LRP1B: variants seen among roughly 807,000 people sequenced by gnomAD.
LRP1B encodes low-density lipoprotein receptor-related protein 1B.
A neutral mutation model predicts 556.6 loss-of-function variants in LRP1B; 217 were observed. The observed-to-expected ratio is 0.39, with a 90% confidence interval of 0.35 to 0.44. The LOEUF is 0.44. Ranked by LOEUF, LRP1B falls within the 20% of genes least tolerant of loss-of-function variation. The pLI is 1.00. For missense variants in LRP1B, 5,053 were observed against 5,620.8 expected, an observed-to-expected ratio of 0.90 and a Z score of 3.23; for synonymous variants, 2,047 against 1,865.8, an observed-to-expected ratio of 1.10 and a Z score of -2.50.
At position 141,464,606 on chromosome 2, in the gene LRP1B, A is replaced by ATATTTTTTT; in HGVS notation, c.343+15789_343+15790insAAAAAAATA. 3.5e-3 allele frequency among the ~76,000 whole-genome samples: 321 copies of ATATTTTTTT among 90,520 alleles called. 14 individuals are homozygous for ATATTTTTTT. Among genetic ancestry groups the ATATTTTTTT allele is most frequent in the African/African-American group, 0.013 (298 of 23,356 alleles). 59.4% of individuals were successfully genotyped at this position (90,520 alleles called of 152,430 possible). A position where few individuals can be genotyped will look rare whatever the true frequency, so the allele number is the denominator to read the frequency against. On this transcript the variant is annotated intron_variant, in intron 3 of 90. Coordinates refer to ENST00000389484, the MANE Select transcript of LRP1B (RefSeq NM_018557.3). ...TTTGTATATATATATATATATATATATTTTTTTAGTAGAGATGGGGTTTCA... is the reference window on the plus strand; with the variant it reads ...TTTGTATATATATATATATATATATATATTTTTTTTTTTTTTAGTAGAGATGGGGTTTCA...
intron 1 of LRP1B, among the ~76,000 whole-genome samples, chr2:141,883,931 A>T (rs1291108547): frequency 1.3e-5 from 2 of 152,230 alleles, no homozygotes; most frequent in African/African-American, 2.4e-5. Flanking sequence ...TCTTATGTAT[A>T]TGAACATGTA....
At chr2:141,297,317 C>T (rs571391126) in intron 3 of LRP1B, among the ~76,000 whole-genome samples, 24 of 152,178 alleles carry the variant, frequency 1.6e-4, no homozygotes, top group Admixed American at 3.9e-4. Flanking sequence ...TAGATGCTGG[C>T]GAGACTGCAG....
At chr2:140,695,068 T>C (rs1168171196) in intron 41 of LRP1B, among the ~76,000 whole-genome samples, 3 of 151,392 alleles carry the variant, frequency 2.0e-5, no homozygotes, top group Non-Finnish European at 2.9e-5. Flanking sequence ...TTTTCATTCA[T>C]CTTCTGCTTG....
chr2:140,709,271 G>A (rs17572252), intron 37 of LRP1B, among the ~76,000 whole-genome samples: 1 of 152,034 alleles, frequency 6.6e-6, no homozygotes, highest in Non-Finnish European at 1.5e-5. Flanking sequence ...ACCATGGGAA[G>A]TTAATCAAAA....
chr2:140,993,611 C>T (rs928022424), intron 16 of LRP1B, among the ~76,000 whole-genome samples: 2 of 151,974 alleles, frequency 1.3e-5, no homozygotes, highest in Middle Eastern at 3.2e-3. Context: ...TGGAGTGGAT[C>T]GTGACCTTCT....
intron 59 of LRP1B, among the ~76,000 whole-genome samples, chr2:140,484,980 A>C (rs1436754939): frequency 6.6e-6 from 1 of 152,100 alleles, no homozygotes; most frequent in Non-Finnish European, 1.5e-5. Context: ...ATTTGTGACT[A>C]CCCCAACCAC....
intron 7 of LRP1B, among the ~76,000 whole-genome samples, chr2:141,146,429 A>G (rs976486944): frequency 6.6e-6 from 1 of 152,230 alleles, no homozygotes; most frequent in Non-Finnish European, 1.5e-5. Flanking sequence ...TTTTTAATAC[A>G]AACCTATATT....
chr2:140,391,023 G>A (rs1683995232), intron 66 of LRP1B, among the ~76,000 whole-genome samples: 1 of 151,790 alleles, frequency 6.6e-6, no homozygotes, highest in African/African-American at 2.4e-5. Flanking sequence ...TTTCTTGTAG[G>A]TATTCACCCA....
chr2:141,421,040 G>T (rs189787133), intron 3 of LRP1B, among the ~76,000 whole-genome samples: 1 of 152,216 alleles, frequency 6.6e-6, no homozygotes, highest in Admixed American at 6.5e-5. Flanking sequence ...GCTGTTCTTG[G>T]CTTTGTGCTC....
intron 2 of LRP1B, among the ~76,000 whole-genome samples, chr2:141,593,002 T>C (rs1450883866): frequency 1.3e-5 from 2 of 152,206 alleles, no homozygotes; most frequent in East Asian, 1.9e-4. Flanking sequence ...AAATGTACAA[T>C]GTCAATTCAG....
intron 61 of LRP1B, 39 bp downstream of exon 61, chr2:140,457,424 T>C (rs774278952): frequency 9.8e-6 from 14 of 1,431,648 alleles, no homozygotes; most frequent in Non-Finnish European, 1.4e-5. Flanking sequence ...TACTGAAAGA[T>C]GTTAATGCAT....
chr2:141,881,215 C>T (rs886947047), intron 1 of LRP1B, among the ~76,000 whole-genome samples: 5 of 151,952 alleles, frequency 3.3e-5, no homozygotes, highest in Admixed American at 6.6e-5. Flanking sequence ...GCTGAAATTG[C>T]GTGAGAGAAG....
intron 35 of LRP1B, among the ~76,000 whole-genome samples, chr2:140,753,949 A>G: frequency 6.6e-6 from 1 of 152,132 alleles, no homozygotes; most frequent in East Asian, 1.9e-4. Context: ...GAAGGCCAAG[A>G]ACCCAAGGGC....
chr2:140,267,533 G>A (rs1214517026), intron 86 of LRP1B, among the ~76,000 whole-genome samples: 4 of 151,916 alleles, frequency 2.6e-5, no homozygotes, highest in African/African-American at 4.8e-5. Context: ...GTATTGTTTA[G>A]AGAATAACGA....
chr2:140,403,221 A>G (rs915030997), intron 66 of LRP1B, among the ~76,000 whole-genome samples: 6 of 152,194 alleles, frequency 3.9e-5, no homozygotes, highest in African/African-American at 1.4e-4. Context: ...ATAACATGAT[A>G]AAACAAGGTT....
At chr2:142,127,698 T>C (rs1164384260) in intron 1 of LRP1B, among the ~76,000 whole-genome samples, 1 of 151,974 alleles carries the variant, frequency 6.6e-6, no homozygotes, top group East Asian at 1.9e-4. Flanking sequence ...ATTAAAATTT[T>C]GATATACATT....
rs79107796 is a variant in LRP1B at position 140,724,648 on chromosome 2, T to C, written c.5759-7832A>G. Among the ~76,000 whole-genome samples the C allele has an allele frequency of 1.1e-4, 16 of 152,310 alleles. No homozygotes were observed. In the East Asian group the frequency reaches 1.3e-3, roughly 13 times the overall value. Reference sequence around the variant, plus strand: ...ATTACACTATTTTCAGTTAATGTAGTCTTTATTCCCTTGTAGAGAAAGATG... The same window carrying C: ...ATTACACTATTTTCAGTTAATGTAGCCTTTATTCCCTTGTAGAGAAAGATG... On this transcript the variant is annotated intron_variant, in intron 35 of 90. Transcript: ENST00000389484.
intron 3 of LRP1B, among the ~76,000 whole-genome samples, chr2:141,264,562 C>A (rs960570719): frequency 6.6e-6 from 1 of 152,106 alleles, no homozygotes; most frequent in African/African-American, 2.4e-5. Context: ...TCAAGCAATT[C>A]TCCTGCCTCA....
intron 6 of LRP1B, among the ~76,000 whole-genome samples, chr2:141,225,531 A>C (rs1351585979): frequency 6.6e-6 from 1 of 152,074 alleles, no homozygotes; most frequent in Non-Finnish European, 1.5e-5. Context: ...TTTGGGAAAC[A>C]ATCAGCTGCT....
Sources: allele counts gnomAD v4.1 joint callset (sites outside exome capture counted in the v4.1 genomes callset), GRCh38; gene constraint gnomAD v4.1.1; transcripts MANE v1.5; gene names NCBI Gene and HGNC (gene_info 2026-07-23, HGNC 2026-07-21).